The following OSBPL9 variants were observed in gnomAD, a reference collection of about 807,000 sequenced individuals.
OSBPL9 encodes the protein oxysterol binding protein like 9, also known as oxysterol-binding protein-related protein 9.
Under a neutral mutation model 106.6 loss-of-function variants are expected in OSBPL9, and 40 were observed. That is an observed-to-expected ratio of 0.38 (90% CI 0.29 to 0.49). The LOEUF is 0.49. OSBPL9 is among the 20% of genes least tolerant of loss of function. The pLI is 0.97. For synonymous variants in OSBPL9, 269 were observed against 295.4 expected, an observed-to-expected ratio of 0.91 and a Z score of 0.92; for missense variants, 609 against 887.2, an observed-to-expected ratio of 0.69 and a Z score of 3.98.
chr1:51,757,707 A>G (rs1670635320), intron 9 of OSBPL9, among the ~76,000 whole-genome samples: 1 of 152,134 alleles, frequency 6.6e-6, no homozygotes, highest in South Asian at 2.1e-4. Flanking sequence ...AAATAGAGGA[A>G]CTATTCATGG....
At chr1:51,724,600 A>T (rs1287394946) in intron 4 of OSBPL9, among the ~76,000 whole-genome samples, 3 of 152,148 alleles carry the variant, frequency 2.0e-5, no homozygotes, top group African/African-American at 7.2e-5. Context: ...TCTTGCTTAC[A>T]TAGTTTCTGA....
At chr1:51,742,663 G>C (rs1389968662) in intron 4 of OSBPL9, among the ~76,000 whole-genome samples, 2 of 152,112 alleles carry the variant, frequency 1.3e-5, no homozygotes, top group African/African-American at 4.8e-5. Context: ...CTGAGCTCAG[G>C]AGGTTGAGTC....
intron 1 of OSBPL9, among the ~76,000 whole-genome samples, chr1:51,650,985 A>G (rs115817003): frequency 6.6e-6 from 1 of 152,252 alleles, no homozygotes; most frequent in African/African-American, 2.4e-5. Context: ...GTTCTGAGGC[A>G]TAAGTCAGAT....
At chr1:51,542,046 C>G in the OSBPL9 span, among the ~76,000 whole-genome samples, 7 of 152,116 alleles carry the variant, frequency 4.6e-5, no homozygotes, top group African/African-American at 1.7e-4. Flanking sequence ...TGTCACCATG[C>G]CCAGCTAGTT....
At chr1:51,688,439 C>T (rs575775487) in intron 3 of OSBPL9, among the ~76,000 whole-genome samples, 4 of 149,120 alleles carry the variant, frequency 2.7e-5, no homozygotes, top group African/African-American at 1.0e-4. Flanking sequence ...CAAGACCAGC[C>T]TAAGCAAAGA....
At chr1:51,542,815 C>G in the OSBPL9 span, among the ~76,000 whole-genome samples, 11 of 152,328 alleles carry the variant, frequency 7.2e-5, no homozygotes, top group South Asian at 2.3e-3. Context: ...AAGCCCACCT[C>G]CCTTTTCATG....
At chr1:51,604,564 A>G (rs576619801) in intron 2 of OSBPL9, among the ~76,000 whole-genome samples, 88 of 152,162 alleles carry the variant, frequency 5.8e-4, no homozygotes, top group African/African-American at 2.0e-3. Flanking sequence ...TCAAAGAAAA[A>G]AAAAATTCAT....
chr1:51,787,349 T>G lies in OSBPL9; in HGVS notation c.2001-4T>G, dbSNP rs768758393. On this transcript the variant is annotated splice_polypyrimidine_tract_variant and splice_region_variant and intron_variant, in intron 22 of 23. Coordinates refer to ENST00000428468, the MANE Select transcript of OSBPL9 (RefSeq NM_024586.6). ...TGGCAGCTCCTCTTACCTCTTTGTT[T>G]TAGCCTTTGGAAGGATGTCACTTTC... The G allele has an allele frequency of 8.1e-6, 13 of 1,613,742 alleles. No individual in the cohort carries two copies. Among genetic ancestry groups the G allele is most frequent in the Non-Finnish European group, 1.1e-5 (13 of 1,179,696 alleles).
intron 17 of OSBPL9, among the ~76,000 whole-genome samples, chr1:51,783,449 G>C (rs1676872016): frequency 6.6e-6 from 1 of 151,276 alleles, no homozygotes; most frequent in Admixed American, 6.6e-5. Context: ...GCCTCCCAAA[G>C]TACTGGGATT....
intron 3 of OSBPL9, among the ~76,000 whole-genome samples, chr1:51,692,942 G>A (rs1382592925): frequency 2.6e-5 from 4 of 152,124 alleles, no homozygotes; most frequent in East Asian, 1.9e-4. Context: ...GAGAATGCTC[G>A]GTTAGGGGGC....
In OSBPL9 at chr1:51,601,495, G is replaced by A. The variant is rs374943330; in HGVS notation, c.-353+3302G>A. The stretch of plus-strand genomic sequence containing the variant: ...CCTCTTCAGCTTCATCTCCCCCATG[G>A]GTTCACTTGTCCCATCACATCTGGA... On this transcript the variant is annotated intron_variant, in intron 2 of 25. Transcript: ENST00000371714. 4.6e-4 allele frequency among the ~76,000 whole-genome samples: 70 copies of A among 152,256 alleles called. 3 individuals are homozygous for A. The South Asian group carries it at 0.012, about 25-fold the overall frequency.
intron 3 of OSBPL9, among the ~76,000 whole-genome samples, chr1:51,677,252 A>G (rs931248371): frequency 2.6e-5 from 4 of 152,232 alleles, no homozygotes; most frequent in Non-Finnish European, 5.9e-5. Flanking sequence ...TTTGAGAACC[A>G]CAGGTCTGGA....
intron 17 of OSBPL9, among the ~76,000 whole-genome samples, chr1:51,783,692 G>A (rs1676934275): frequency 6.6e-6 from 1 of 152,138 alleles, no homozygotes; most frequent in Non-Finnish European, 1.5e-5. Flanking sequence ...TTCCTGGGTT[G>A]GCCACAGCAT....
chr1:51,647,783 T>A (rs1646261039), intron 1 of OSBPL9, among the ~76,000 whole-genome samples: 1 of 152,164 alleles, frequency 6.6e-6, no homozygotes, highest in Non-Finnish European at 1.5e-5. Context: ...CCTTGGTCAG[T>A]CTAGCTAATG....
intron 2 of OSBPL9, among the ~76,000 whole-genome samples, chr1:51,664,548 G>A (rs1647963308): frequency 6.6e-6 from 1 of 151,924 alleles, no homozygotes; most frequent in Admixed American, 6.6e-5. Context: ...AAATTAGCCG[G>A]GCGTGTGGTG....
the OSBPL9 span, among the ~76,000 whole-genome samples, chr1:51,538,219 G>A: frequency 6.6e-6 from 1 of 152,230 alleles, no homozygotes; most frequent in Admixed American, 6.5e-5. Flanking sequence ...TTGAACCTTG[G>A]AGGCAGAGGT....
intron 9 of OSBPL9, 171 bp from the exon 10 acceptor site, chr1:51,760,519 C>A: frequency 1.2e-6 from 1 of 858,236 alleles, no homozygotes; most frequent in Non-Finnish European, 1.7e-6. Context: ...ATGCTTTAAG[C>A]AACTCTTACA....
At chr1:51,673,203 G>A (rs934284532) in intron 3 of OSBPL9, among the ~76,000 whole-genome samples, 2 of 152,218 alleles carry the variant, frequency 1.3e-5, no homozygotes, top group African/African-American at 4.8e-5. Flanking sequence ...TAGGAGGAGA[G>A]AAGGATCAGC....
intron 20 of OSBPL9, 158 bp downstream of exon 20, chr1:51,784,740 T>C: frequency 4.8e-6 from 4 of 837,426 alleles, no homozygotes; most frequent in Non-Finnish European, 7.3e-6. Context: ...AAGTCCCATA[T>C]CAGAAGAAGA....
Sources: allele counts gnomAD v4.1 joint callset (sites outside exome capture counted in the v4.1 genomes callset), GRCh38; gene constraint gnomAD v4.1.1; transcripts MANE v1.5; gene names NCBI Gene and HGNC (gene_info 2026-07-23, HGNC 2026-07-21).